Variants in OPN5 observed in about 807,000 individuals in gnomAD.
The protein encoded by OPN5 is opsin 5, also known as opsin-5.
Under a neutral mutation model 41.7 loss-of-function variants are expected in OPN5, and 18 were observed. The ratio of observed to expected loss-of-function variants is 0.43; its 90% confidence interval spans 0.30 to 0.64. The LOEUF is 0.64. Among genes scored for constraint, OPN5 ranks in the 30% least tolerant of loss-of-function variants. OPN5 has a pLI of 0.13. For synonymous variants in OPN5, 178 were observed against 164.3 expected (o/e 1.08, Z -0.64); for missense variants, 318 against 434.5 (o/e 0.73, Z 2.38).
At chr6:47,792,678 T>C (rs1164079200) in intron 3 of OPN5, among the ~76,000 whole-genome samples, 1 of 152,194 alleles carries the variant, frequency 6.6e-6, no homozygotes, top group Non-Finnish European at 1.5e-5. Context: ...AAGAATTGCA[T>C]TTGGGTCTTT....
At chr6:47,806,377 G>A (rs1008392100) in intron 4 of OPN5, among the ~76,000 whole-genome samples, 1 of 152,106 alleles carries the variant, frequency 6.6e-6, no homozygotes, top group African/African-American at 2.4e-5. Context: ...ACATTTGTCA[G>A]TCTCAATACT....
intron 1 of OPN5, 132 bp from the exon 2 acceptor site, chr6:47,786,383 A>AT (rs1424930145): frequency 2.3e-5 from 15 of 653,246 alleles, no homozygotes; most frequent in Non-Finnish European, 2.9e-5. Context: ...CTTAATTTAG[A>AT]TTTTTTTATT....
chr6:47,809,960 C>T lies in OPN5; in HGVS notation c.998+1565C>T, dbSNP rs147265972. On this transcript the variant is annotated intron_variant, in intron 5 of 6. Coordinates refer to ENST00000371211, the Ensembl canonical transcript of OPN5. ...TTTCACGTGCCTCGTAATTTTGCCT[C>T]AGACTGCCTCTGTGTTCTGTACATT... 6.2e-3 allele frequency among the ~76,000 whole-genome samples: 944 copies of T among 152,298 alleles called. 4 individuals carry two copies. Among genetic ancestry groups the T allele is most frequent in the Non-Finnish European group, 9.2e-3 (626 of 68,026 alleles).
chr6:47,816,767 A>T (rs189390554), intron 6 of OPN5, among the ~76,000 whole-genome samples: 18 of 152,212 alleles, frequency 1.2e-4, no homozygotes, highest in Non-Finnish European at 2.1e-4. Context: ...GGACAGTCTC[A>T]TCTCATTAGG....
chr6:47,795,116 G>A (rs749321500), intron 3 of OPN5, 113 bp from the exon 4 acceptor site: 4 of 858,424 alleles, frequency 4.7e-6, no homozygotes, highest in Non-Finnish European at 7.0e-6. Flanking sequence ...ATCTGCCCAG[G>A]TCTCCCAGAA....
At chr6:47,821,339 A>G (rs1299941577) in intron 6 of OPN5, among the ~76,000 whole-genome samples, 1 of 152,254 alleles carries the variant, frequency 6.6e-6, no homozygotes, top group Admixed American at 6.5e-5. Flanking sequence ...CCTAAGCCAC[A>G]TGGGTGTGGG....
intron 6 of OPN5, among the ~76,000 whole-genome samples, chr6:47,820,391 G>C (rs1762583493): frequency 6.6e-6 from 1 of 152,204 alleles, no homozygotes; most frequent in African/African-American, 2.4e-5. Flanking sequence ...TCTAAAGCCT[G>C]TGACTCTTAG....
intron 6 of OPN5, among the ~76,000 whole-genome samples, chr6:47,821,755 T>C (rs1425388908): frequency 6.6e-6 from 1 of 152,128 alleles, no homozygotes; most frequent in Non-Finnish European, 1.5e-5. Flanking sequence ...TGTAAATCAT[T>C]GGGCCCCACT....
intron 4 of OPN5, among the ~76,000 whole-genome samples, chr6:47,797,792 A>T (rs1773624907): frequency 6.6e-6 from 1 of 152,162 alleles, no homozygotes; most frequent in African/African-American, 2.4e-5. Context: ...CCTGATTGCC[A>T]TGAGGCTCTT....
intron 3 of OPN5, among the ~76,000 whole-genome samples, chr6:47,794,442 T>A (rs1169820567): frequency 1.3e-5 from 2 of 152,222 alleles, no homozygotes; most frequent in African/African-American, 4.8e-5. Context: ...TTGTGTTGAA[T>A]TCTGAAAATG....
At chr6:47,799,807 G>A (rs755879833) in intron 4 of OPN5, among the ~76,000 whole-genome samples, 3 of 152,130 alleles carry the variant, frequency 2.0e-5, no homozygotes, top group Non-Finnish European at 4.4e-5. Flanking sequence ...GTCCCCACTT[G>A]CCTTCAGGGT....
At position 47,800,220 on chromosome 6, in the gene OPN5, T is replaced by C. The variant is rs577196949; in HGVS notation, c.756+4657T>C. On this transcript the variant is annotated intron_variant, in intron 4 of 6. Transcript: ENST00000371211. ...AGTTTAATAGCCATGAGGCCAGCCA[T>C]GCCAGATGGGAAATGGAGTTAGTAC... Among the ~76,000 whole-genome samples the C allele has an allele frequency of 1.1e-3, 168 of 152,290 alleles. 1 individual carries two copies. Among genetic ancestry groups the C allele is most frequent in the African/African-American group, 3.7e-3 (154 of 41,568 alleles).
At chr6:47,803,696 G>A (rs1773860036) in intron 4 of OPN5, among the ~76,000 whole-genome samples, 1 of 152,050 alleles carries the variant, frequency 6.6e-6, no homozygotes, top group African/African-American at 2.4e-5. Context: ...TATTATTCAA[G>A]GTAGCATGCA....
At chr6:47,795,084 C>T (rs1773499279) in intron 3 of OPN5, 145 bp from the exon 4 acceptor site, 1 of 641,214 alleles carries the variant, frequency 1.6e-6, no homozygotes. Flanking sequence ...CCGTTTACTC[C>T]ACTCTCCCTC....
In OPN5 at chr6:47,782,543, G is replaced by A. The variant is rs567654873; in HGVS notation, c.130+347G>A. ...TTAAACAGAGTGCTTTTTAAATAAT[G>A]TTTTTGACATAATCATAAGTTTTAG... On this transcript the variant is annotated intron_variant, in intron 1 of 6. Coordinates refer to ENST00000371211, the Ensembl canonical transcript of OPN5. Among the ~76,000 whole-genome samples the A allele has an allele frequency of 6.6e-5, 10 of 152,206 alleles. No homozygotes were observed. In the South Asian group the frequency reaches 1.7e-3, roughly 25 times the overall value.
At chr6:47,813,954 C>A (rs922642886) in intron 6 of OPN5, among the ~76,000 whole-genome samples, 1 of 151,606 alleles carries the variant, frequency 6.6e-6, no homozygotes, top group African/African-American at 2.4e-5. Context: ...ATGTTGAATG[C>A]GGAGCATTTG....
At chr6:47,800,551 T>C (rs527762429) in intron 4 of OPN5, among the ~76,000 whole-genome samples, 18 of 152,334 alleles carry the variant, frequency 1.2e-4, no homozygotes, top group African/African-American at 3.4e-4. Flanking sequence ...TTGCATATCT[T>C]GTAACCTCCA....
exon 7 of OPN5, chr6:47,824,073 A>C: frequency 8.5e-7 from 1 of 1,180,484 alleles, no homozygotes; most frequent in Non-Finnish European, 1.2e-6. Context: ...TACAAATGTT[A>C]TTTTTCTGAC....
chr6:47,788,404 A>T (rs1483611983), intron 2 of OPN5, among the ~76,000 whole-genome samples: 1 of 152,200 alleles, frequency 6.6e-6, no homozygotes, highest in African/African-American at 2.4e-5. Flanking sequence ...TTGAATAAAA[A>T]TGTCCTTAAT....
Sources: allele counts gnomAD v4.1 joint callset (sites outside exome capture counted in the v4.1 genomes callset), GRCh38; gene constraint gnomAD v4.1.1; transcripts MANE v1.5; gene names NCBI Gene and HGNC (gene_info 2026-07-23, HGNC 2026-07-21).